The following TOP1MT variants were observed in gnomAD, a reference collection of about 807,000 sequenced individuals.
The protein encoded by TOP1MT is DNA topoisomerase I, mitochondrial.
A neutral mutation model predicts 73.9 loss-of-function variants in TOP1MT; 80 were observed. That is an observed-to-expected ratio of 1.08 (90% CI 0.90 to 1.30). TOP1MT has a LOEUF of 1.30. Among genes scored for constraint, TOP1MT ranks in the 50% most tolerant of loss-of-function variants. The pLI, the probability that TOP1MT is intolerant of heterozygous loss-of-function variation, is 0.00. For synonymous variants in TOP1MT, 338 were observed against 326.4 expected (o/e 1.04, Z -0.38); for missense variants, 815 against 808.0 (o/e 1.01, Z -0.10).
upstream of TOP1MT, among the ~76,000 whole-genome samples, chr8:143,339,513 T>G (rs1404132859): frequency 6.6e-6 from 1 of 152,172 alleles, no homozygotes; most frequent in Admixed American, 6.5e-5. Flanking sequence ...CATAGAGGAC[T>G]GACCAAAAGC....
Position 143,317,762 on chromosome 8 carries a change from AG to A in TOP1MT, c.1290del (p.Ser431ProfsTer11). ...LTAKVFRTYNASITLQEQLRA... is the reference protein window; with the variant it reads ...LTAKVFRTYNXSITLQEQLRA... ...CGCAGCTGCTCCTGCAGAGTGATGG[AG>A]GCGTTGTAGGTCCGGAACACCTTGG... On this transcript the variant is annotated frameshift_variant, in exon 10 of 14. Transcript: ENST00000329245. LOFTEE classifies it high-confidence loss of function. The A allele has an allele frequency of 3.7e-6, 6 of 1,614,068 alleles. No homozygotes were observed. Among genetic ancestry groups the A allele is most frequent in the Non-Finnish European group, 5.1e-6 (6 of 1,180,026 alleles).
chr8:143,356,785 C>CA (rs1161995816), upstream of TOP1MT, among the ~76,000 whole-genome samples: 815 of 25,886 alleles, frequency 0.031, 120 homozygotes, highest in African/African-American at 0.088. Flanking sequence ...GACTCTGTCT[C>CA]AAAAAAAAAA....
At chr8:143,348,880 G>A (rs908878948), upstream of TOP1MT, among the ~76,000 whole-genome samples, 9 of 152,092 alleles carry the variant, frequency 5.9e-5, no homozygotes, top group Non-Finnish European at 7.4e-5. This position sits in a 1 kb window ranked among gnomAD's most constrained non-coding sequence, Gnocchi z 4.6. Context: ...AGCGTACCCC[G>A]ACTCAGCACA....
chr8:143,347,368 G>A (rs1003210617), upstream of TOP1MT, among the ~76,000 whole-genome samples: 2 of 152,104 alleles, frequency 1.3e-5, no homozygotes, highest in African/African-American at 4.8e-5. Context: ...TGTTAGCCAG[G>A]ATGGTCTTGA....
chr8:143,322,943 CCACACACGCCACA>C (rs1362932169), intron 7 of TOP1MT, among the ~76,000 whole-genome samples: 41 of 95,624 alleles, frequency 4.3e-4, no homozygotes, highest in Non-Finnish European at 7.5e-4. Context: ...CACAGGCACG[CCACACACGCCACA>C]CACGCACGCC....
At chr8:143,337,367 T>C (rs1817000446), upstream of TOP1MT, among the ~76,000 whole-genome samples, 1 of 152,058 alleles carries the variant, frequency 6.6e-6, no homozygotes, top group African/African-American at 2.4e-5. Flanking sequence ...ATCACGCTAC[T>C]ACACTCCAGC....
chr8:143,321,900 CCA>C (rs141732543), intron 7 of TOP1MT, among the ~76,000 whole-genome samples: 65 of 44,004 alleles, frequency 1.5e-3, no homozygotes, highest in South Asian at 3.7e-3. Context: ...CACAGGCACG[CCA>C]CACACACAGG....
At position 143,329,422 on chromosome 8, in the gene TOP1MT, A is replaced by AT. The variant is rs1376176649; in HGVS notation, c.287dup (p.Tyr96Ter). 3.1e-6 allele frequency: 5 copies of AT among 1,610,312 alleles called. No homozygotes were observed. The South Asian group carries it at 5.5e-5, about 18-fold the overall frequency. The change falls in exon 3 of 14, where the codon TAT (tyrosine) becomes TAAT (stop). Residue 96 changes from tyrosine (Y) to a stop codon, truncating the protein, a stop_gained and frameshift_variant. Transcript: ENST00000329245. LOFTEE classifies it high-confidence loss of function. Reference protein sequence around the residue: ...SVAAEEVATFYGRMLDHEYTT... With the variant: ...SVAAEEVATF ...TGTATTCATGATCTAACATCCTCCCATAAAAAGTGGCGACCTCCTCCGCTG... is the reference window on the plus strand; with the variant it reads ...TGTATTCATGATCTAACATCCTCCCATTAAAAAGTGGCGACCTCCTCCGCTG...
intron 12 of TOP1MT, among the ~76,000 whole-genome samples, chr8:143,315,489 T>C (rs980003437): frequency 9.2e-5 from 14 of 152,144 alleles, no homozygotes; most frequent in African/African-American, 3.4e-4. Context: ...TTGTATACAA[T>C]AAATAACAGC....
exon 1 of TOP1MT, chr8:143,356,032 A>T (rs1200118293): frequency 6.6e-6 from 1 of 152,266 alleles, no homozygotes; most frequent in Non-Finnish European, 1.5e-5. Flanking sequence ...TCCCTCAAGC[A>T]CTGCTATAAG....
At chr8:143,324,875 G>A (rs1351163891) in intron 5 of TOP1MT, among the ~76,000 whole-genome samples, 3 of 152,160 alleles carry the variant, frequency 2.0e-5, no homozygotes, top group African/African-American at 4.8e-5. Context: ...GCAAGGCACC[G>A]CTCTGCACAG....
At chr8:143,347,468 T>C (rs1015319931), upstream of TOP1MT, among the ~76,000 whole-genome samples, 1 of 152,208 alleles carries the variant, frequency 6.6e-6, no homozygotes, top group Non-Finnish European at 1.5e-5. Flanking sequence ...TTTTGTATTT[T>C]TTAGTAGAGA....
Position 143,317,829 on chromosome 8 carries a change from G to A in TOP1MT, c.1224C>T (p.Ser408=), listed in dbSNP as rs2129961724. 1 of 1,614,140 alleles carries A rather than the reference G, an allele frequency of 6.2e-7. No individual in the cohort carries two copies. The highest frequency in any genetic ancestry group is 8.5e-7 in the Non-Finnish European group (1 of 1,179,998). The part of the protein sequence containing the change: ...DDLFDRLTTT[S]LNKHLQELMD... ...TCAGCTCCTGGAGGTGCTTGTTCAGGCTGGTCGTCTGGGGAGGAAAATGGT... is the reference window on the plus strand; with the variant it reads ...TCAGCTCCTGGAGGTGCTTGTTCAGACTGGTCGTCTGGGGAGGAAAATGGT... The change falls in exon 10 of 14, where the codon AGC becomes AGT. Residue 408 remains serine (S), a synonymous_variant. Transcript: ENST00000329245.
intron 2 of TOP1MT, among the ~76,000 whole-genome samples, chr8:143,342,089 T>TATTAGAGAC (rs560030914): frequency 4.1e-4 from 44 of 107,632 alleles, no homozygotes; most frequent in African/African-American, 4.1e-3. Flanking sequence ...TTATTATTAT[T>TATTAGAGAC]AGAGTCTCGC....
intron 4 of TOP1MT, among the ~76,000 whole-genome samples, chr8:143,325,903 T>C (rs559095149): frequency 6.6e-6 from 1 of 152,176 alleles, no homozygotes. Flanking sequence ...CTGTTAGATG[T>C]AGGGAGACGC....
intron 7 of TOP1MT, among the ~76,000 whole-genome samples, chr8:143,322,699 G>A (rs1227235120): frequency 6.3e-4 from 10 of 15,764 alleles, no homozygotes; most frequent in East Asian, 4.3e-3. Flanking sequence ...CACGCCACAC[G>A]CACGCCACAC....
At chr8:143,317,491 C>A (rs1017155057) in intron 10 of TOP1MT, among the ~76,000 whole-genome samples, 1 of 152,222 alleles carries the variant, frequency 6.6e-6, no homozygotes, top group African/African-American at 2.4e-5. Flanking sequence ...AGGGGCCGCC[C>A]CGCAGGGAGA....
At chr8:143,354,164 T>C (rs1173608516) in intron 1 of TOP1MT, among the ~76,000 whole-genome samples, 1 of 151,890 alleles carries the variant, frequency 6.6e-6, no homozygotes, top group Non-Finnish European at 1.5e-5. Context: ...CAAATGTACA[T>C]CAGCAGACGA....
At chr8:143,321,946 C>T (rs1816422336) in intron 7 of TOP1MT, among the ~76,000 whole-genome samples, 1 of 82,288 alleles carries the variant, frequency 1.2e-5, no homozygotes, top group East Asian at 4.5e-4. Context: ...ACACGCACGC[C>T]ACACACGCAC....
Sources: allele counts gnomAD v4.1 joint callset (sites outside exome capture counted in the v4.1 genomes callset), GRCh38; gene constraint gnomAD v4.1.1; non-coding constraint Gnocchi (gnomAD v3.1); transcripts MANE v1.5; gene names NCBI Gene and HGNC (gene_info 2026-07-23, HGNC 2026-07-21).